Variants in SH3BGR observed in about 807,000 individuals in gnomAD.
The protein encoded by SH3BGR is SH3 domain-binding glutamic acid-rich protein.
Under a neutral mutation model 24.5 loss-of-function variants are expected in SH3BGR, and 29 were observed. The ratio of observed to expected loss-of-function variants is 1.18; its 90% CI spans 0.88 to 1.61. SH3BGR has a LOEUF of 1.61. SH3BGR is among the 40% of genes most tolerant of loss of function. SH3BGR has a pLI of 0.00. For missense variants in SH3BGR, 162 were observed against 205.8 expected (o/e 0.79, Z 1.30); for synonymous variants, 55 against 65.7 (o/e 0.84, Z 0.79).
chr21:39,487,826 G>A (rs1388378958), intron 3 of SH3BGR, among the ~76,000 whole-genome samples: 1 of 152,192 alleles, frequency 6.6e-6, no homozygotes, highest in Non-Finnish European at 1.5e-5. Flanking sequence ...AAATATTTAA[G>A]TAAGTGTGGC....
At chr21:39,490,739 AT>A (rs55916184) in intron 3 of SH3BGR, among the ~76,000 whole-genome samples, 6,440 of 140,116 alleles carry the variant, frequency 0.046, 155 homozygotes, top group African/African-American at 0.086. Context: ...GGTTTTGTGC[AT>A]TTTTTTTTTT....
intron 2 of SH3BGR, among the ~76,000 whole-genome samples, chr21:39,471,193 G>T (rs1354002213): frequency 3.3e-5 from 5 of 151,586 alleles, no homozygotes. Context: ...TCTACGATGT[G>T]TCTAGGTTTA....
intron 3 of SH3BGR, among the ~76,000 whole-genome samples, chr21:39,485,367 A>T (rs769567816): frequency 2.0e-5 from 3 of 152,236 alleles, no homozygotes; most frequent in Non-Finnish European, 2.9e-5. Flanking sequence ...GGCAGGGAGA[A>T]TAAGAGGTCA....
At chr21:39,495,155 G>T (rs2078371826) in intron 3 of SH3BGR, among the ~76,000 whole-genome samples, 1 of 151,760 alleles carries the variant, frequency 6.6e-6, no homozygotes. Flanking sequence ...TAAAATCCTT[G>T]TCTGCAAATT....
At chr21:39,458,373 C>G (rs1005309708) in intron 1 of SH3BGR, among the ~76,000 whole-genome samples, 3 of 152,000 alleles carry the variant, frequency 2.0e-5, no homozygotes, top group Non-Finnish European at 4.4e-5. Context: ...GAGTCTTGCT[C>G]TGTTGCCCAG....
upstream of SH3BGR, among the ~76,000 whole-genome samples, chr21:39,448,372 G>A (rs1455083482): frequency 6.6e-6 from 1 of 152,172 alleles, no homozygotes; most frequent in Non-Finnish European, 1.5e-5. Context: ...GTAAAGTTAT[G>A]TAAATCAAAA....
chr21:39,465,503 T>C (rs1358884686), intron 2 of SH3BGR, among the ~76,000 whole-genome samples: 1 of 152,240 alleles, frequency 6.6e-6, no homozygotes, highest in Non-Finnish European at 1.5e-5. Flanking sequence ...GAATGTCATT[T>C]AAAAAATCAG....
rs371296666 is a variant in SH3BGR, at chr21:39,477,934, T to C, written c.312+2719T>C. On this transcript the variant is annotated intron_variant, in intron 3 of 6. Coordinates refer to ENST00000333634, the MANE Select transcript of SH3BGR (RefSeq NM_007341.3). The stretch of plus-strand genomic sequence containing the variant: ...TGTGATGTTGTGAAATACGTATACA[T>C]TGTGGATTGGCTAAACTGAGCTAAT... Among the ~76,000 whole-genome samples, 7 of 152,206 alleles carry C rather than the reference T, an allele frequency of 4.6e-5. No homozygotes were observed. In the East Asian group the frequency reaches 1.3e-3, roughly 29 times the overall value.
Position 39,499,819 on chromosome 21 carries a change from C to T in SH3BGR, c.313-4C>T. ...CTCATATCCTGGGTTTCCTTTATGA[C>T]CAGGGATCAGAGAAGGCTGAAGAAG... On this transcript the variant is annotated splice_region_variant and splice_polypyrimidine_tract_variant and intron_variant, in intron 3 of 6. Coordinates refer to ENST00000333634, the MANE Select transcript of SH3BGR (RefSeq NM_007341.3). 1 of 1,608,780 alleles carries T rather than the reference C, an allele frequency of 6.2e-7. No homozygotes were observed. The highest frequency in any genetic ancestry group is 1.1e-5 in the South Asian group (1 of 90,814).
chr21:39,458,019 A>G lies in SH3BGR; in HGVS notation c.46-4356A>G, dbSNP rs149518725. Among the ~76,000 whole-genome samples, 214 of 152,346 alleles carry G rather than the reference A, an allele frequency of 1.4e-3. 2 individuals are homozygous for G. The highest frequency in any genetic ancestry group is 4.7e-3 in the African/African-American group (195 of 41,584). ...TATACATGAGTCATTAAATTTGTCA[A>G]AAGTGAATAAAATAGATATTTTGGT... On this transcript the variant is annotated intron_variant, in intron 1 of 6. Coordinates refer to ENST00000333634, the MANE Select transcript of SH3BGR (RefSeq NM_007341.3).
chr21:39,496,506 CAAAAAAA>C (rs56909090), intron 3 of SH3BGR, among the ~76,000 whole-genome samples: 5 of 103,080 alleles, frequency 4.9e-5, no homozygotes, highest in Non-Finnish European at 9.6e-5. Context: ...GACTCCGTCT[CAAAAAAA>C]AAAAAAAAAA....
intron 5 of SH3BGR, among the ~76,000 whole-genome samples, chr21:39,509,831 A>G (rs2078645849): frequency 6.6e-6 from 1 of 152,300 alleles, no homozygotes; most frequent in South Asian, 2.1e-4. Flanking sequence ...ACACAAGGGT[A>G]GGGAGAATAA....
chr21:39,513,425 A>G (rs1024600882), intron 6 of SH3BGR, among the ~76,000 whole-genome samples: 4 of 152,216 alleles, frequency 2.6e-5, no homozygotes, highest in Non-Finnish European at 5.9e-5. Context: ...TTCTTAATAG[A>G]CTTACAAAAA....
At chr21:39,478,241 A>G (rs1203333202) in intron 3 of SH3BGR, among the ~76,000 whole-genome samples, 2 of 152,218 alleles carry the variant, frequency 1.3e-5, no homozygotes, top group African/African-American at 2.4e-5. Flanking sequence ...TAAACATTTC[A>G]TGCCAGAAAA....
intron 3 of SH3BGR, among the ~76,000 whole-genome samples, chr21:39,483,729 T>C (rs569132005): frequency 1.3e-5 from 2 of 152,340 alleles, no homozygotes; most frequent in African/African-American, 4.8e-5. Flanking sequence ...GGCCAGACAC[T>C]GGGCTGGTTG....
chr21:39,510,075 T>A (rs2078651329), intron 5 of SH3BGR, among the ~76,000 whole-genome samples: 1 of 145,552 alleles, frequency 6.9e-6, no homozygotes, highest in East Asian at 1.9e-4. Flanking sequence ...CCCGAGTAGC[T>A]GGGACTACAG....
At chr21:39,499,032 C>T (rs760120707) in intron 3 of SH3BGR, among the ~76,000 whole-genome samples, 14 of 152,086 alleles carry the variant, frequency 9.2e-5, no homozygotes, top group Admixed American at 2.0e-4. Flanking sequence ...AAGTGCTGAA[C>T]GAAGAGGGAA....
At chr21:39,472,413 GC>G (rs1174321499) in intron 2 of SH3BGR, among the ~76,000 whole-genome samples, 1 of 152,142 alleles carries the variant, frequency 6.6e-6, no homozygotes, top group Non-Finnish European at 1.5e-5. Flanking sequence ...CTCCCCTTAG[GC>G]CCCACCTCCC....
chr21:39,503,703 T>C (rs543058379), intron 4 of SH3BGR, among the ~76,000 whole-genome samples: 3 of 152,238 alleles, frequency 2.0e-5, no homozygotes, highest in Non-Finnish European at 4.4e-5. Flanking sequence ...AAAACTATTA[T>C]CTTCTTTAAT....
Sources: gnomAD v4.1 joint callset for allele counts (sites outside exome capture counted in the v4.1 genomes callset) on GRCh38, gnomAD v4.1.1 for gene constraint, MANE v1.5 for transcripts, NCBI Gene and HGNC (gene_info 2026-07-23, HGNC 2026-07-21) for gene names.